SYNE1: variants seen among roughly 807,000 people sequenced by gnomAD.
SYNE1 encodes the protein nesprin-1.
In SYNE1, 616 loss-of-function variants were observed where a neutral mutation model predicts 1,111.0. That is an observed-to-expected ratio of 0.55 (90% confidence interval 0.52 to 0.59). The LOEUF is 0.59. SYNE1 is among the 20% of genes least tolerant of loss of function. SYNE1 has a pLI of 0.00. For synonymous variants in SYNE1, 3,855 were observed against 3,825.8 expected, an observed-to-expected ratio of 1.01 and a Z score of -0.28; for missense variants, 10,006 against 10,417.0, an observed-to-expected ratio of 0.96 and a Z score of 1.72.
At chr6:152,397,484 GA>G in intron 49 of SYNE1, among the ~76,000 whole-genome samples, 1 of 152,172 alleles carries the variant, frequency 6.6e-6, no homozygotes, top group African/African-American at 2.4e-5. Flanking sequence ...CAGAGCTCTA[GA>G]GTGGTATGTC....
At chr6:152,441,422 T>C in intron 31 of SYNE1, 152 bp from the exon 32 acceptor site, 1 of 828,034 alleles carries the variant, frequency 1.2e-6, no homozygotes, top group South Asian at 1.8e-5. Flanking sequence ...GTATCTTCTG[T>C]AAGAATTTCT....
At chr6:152,603,904 A>AG (rs1333165575) in intron 3 of SYNE1, among the ~76,000 whole-genome samples, 4 of 147,176 alleles carry the variant, frequency 2.7e-5, no homozygotes, top group Non-Finnish European at 4.5e-5. Flanking sequence ...ATAGATAGAT[A>AG]TACTATCTAT....
At position 152,364,932 on chromosome 6, in the gene SYNE1, C is replaced by G. The variant is rs773410652; in HGVS notation, c.10060G>C (p.Glu3354Gln). The change falls in exon 63 of 146, where the codon GAA becomes CAA. Residue 3354 changes from glutamate (E) to glutamine (Q), a missense_variant. Glu to Gln is a conservative substitution (Grantham distance 29). Around this residue, in one of 7 missense-constraint regions of SYNE1, gnomAD observed 4,955 missense variants for 5,017.2 expected, o/e 0.99. Coordinates refer to ENST00000367255, the MANE Select transcript of SYNE1 (RefSeq NM_182961.4). Reference protein sequence around the residue: ...GESVLQNTSPEGIPTIQQQLQ... With the variant: ...GESVLQNTSPQGIPTIQQQLQ... Reference sequence around the variant, plus strand: ...TGCTGCTGAATAGTGGGAATGCCTTCTGGAGAAGTATTCTGAAGGACAGAT... The same window carrying G: ...TGCTGCTGAATAGTGGGAATGCCTTGTGGAGAAGTATTCTGAAGGACAGAT... 29 of 1,614,100 alleles carry G rather than the reference C, an allele frequency of 1.8e-5. No homozygotes were observed. Among genetic ancestry groups the G allele is most frequent in the Non-Finnish European group, 2.5e-5 (29 of 1,180,048 alleles).
intron 3 of SYNE1, among the ~76,000 whole-genome samples, chr6:152,594,998 C>G (rs1252693824): frequency 6.6e-6 from 1 of 152,166 alleles, no homozygotes; most frequent in East Asian, 1.9e-4. Flanking sequence ...TGCTAGTTTA[C>G]ACCCTCATTC....
chr6:152,548,540 G>A (rs889881102), intron 3 of SYNE1, among the ~76,000 whole-genome samples: 1 of 152,128 alleles, frequency 6.6e-6, no homozygotes, highest in African/African-American at 2.4e-5. Context: ...TTTAGTTAAC[G>A]GGTCTATGGA....
intron 3 of SYNE1, among the ~76,000 whole-genome samples, chr6:152,595,491 C>T (rs540349204): frequency 6.6e-6 from 1 of 152,328 alleles, no homozygotes; most frequent in African/African-American, 2.4e-5. Flanking sequence ...CGTTAGCATG[C>T]TTTTGCTGAC....
In SYNE1 at chr6:152,395,531, T is replaced by C. The variant is rs1414855229; in HGVS notation, c.7697A>G (p.Glu2566Gly). 6.8e-6 allele frequency: 11 copies of C among 1,613,832 alleles called. No individual in the cohort carries two copies. The highest frequency in any genetic ancestry group is 9.3e-6 in the Non-Finnish European group (11 of 1,179,888). Residue 2566 changes from glutamate to glycine, a missense_variant, in exon 51 of 146, where the codon GAA becomes GGA. By Grantham distance (98) the Glu-to-Gly change is moderately conservative (BLOSUM62 -2). Transcript: ENST00000367255. ...EVHKVEMFLG[E>G]LLAARESLDK... ...TGGACCATACCTTGCAGCCAGCAGTTCTCCCAAAAACATTTCAACTTTATG... is the reference window on the plus strand; with the variant it reads ...TGGACCATACCTTGCAGCCAGCAGTCCTCCCAAAAACATTTCAACTTTATG...
At chr6:152,385,530 G>A in intron 55 of SYNE1, 144 bp downstream of exon 55, 5 of 855,234 alleles carry the variant, frequency 5.8e-6, no homozygotes, top group South Asian at 1.6e-5. Flanking sequence ...CATGACTCTT[G>A]TTTATGTGTA....
intron 91 of SYNE1, among the ~76,000 whole-genome samples, chr6:152,306,487 AAAATAAATAAAT>A (rs56931883): frequency 3.2e-4 from 46 of 142,548 alleles, no homozygotes; most frequent in East Asian, 1.0e-3. Flanking sequence ...CTCCATCTAA[AAAATAAATAAAT>A]AAATAAATAA....
At position 152,154,789 on chromosome 6, in the gene SYNE1, A is replaced by G. The variant is rs376571107; in HGVS notation, c.24129+103T>C. 2.6e-4 allele frequency: 340 copies of G among 1,306,378 alleles called. No homozygotes were observed. The South Asian group carries it at 3.8e-3, about 15-fold the overall frequency. The allele number at this position is 1,306,378 out of a possible 1,614,324, so 80.9% of individuals were successfully genotyped here. ...AAAGTCCTCACGCAGCAATTTGAGC[A>G]GATAACATGTGGTGAACAGCTAGTT... On this transcript the variant is annotated intron_variant, in intron 133 of 145. Transcript: ENST00000367255.
Position 152,471,621 on chromosome 6 carries a change from C to T in SYNE1, c.1608G>A (p.Val536=), listed in dbSNP as rs267600866. The T allele has an allele frequency of 6.2e-7, 1 of 1,613,964 alleles. No individual in the cohort carries two copies. The highest frequency in any genetic ancestry group is 8.5e-7 in the Non-Finnish European group (1 of 1,179,882). ...WIIKYGRRES[V]EQLLQNYVSF... is the part of the protein sequence containing the mutation. ...CCACGTAGTTTTGTAGAAGCTGCTC[C>T]ACTGACTCTCTCCTCCCGTACTTAA... is the stretch of plus-strand genomic sequence containing the variant. The change falls in exon 16 of 146, where the codon GTG becomes GTA. Residue 536 remains valine, a synonymous_variant. Coordinates refer to ENST00000367255, the MANE Select transcript of SYNE1 (RefSeq NM_182961.4).
At chr6:152,404,097 T>C in intron 46 of SYNE1, 116 bp downstream of exon 46, 1 of 537,562 alleles carries the variant, frequency 1.9e-6, no homozygotes, top group Non-Finnish European at 3.2e-6. Flanking sequence ...GAGATATAGA[T>C]ATATGAGATA....
At chr6:152,323,355 C>A in intron 82 of SYNE1, 123 bp downstream of exon 82, 2 of 1,419,146 alleles carry the variant, frequency 1.4e-6, no homozygotes, top group Non-Finnish European at 1.9e-6. Flanking sequence ...AGGAGAATGG[C>A]GTGAACCCGG....
intron 97 of SYNE1, among the ~76,000 whole-genome samples, chr6:152,278,563 C>T (rs747861001): frequency 1.3e-5 from 2 of 151,764 alleles, no homozygotes; most frequent in Non-Finnish European, 1.5e-5. Context: ...CCCAGGTTCA[C>T]GCCATTCTCC....
intron 116 of SYNE1, among the ~76,000 whole-genome samples, chr6:152,225,199 T>C (rs35868854): frequency 1.9e-4 from 29 of 151,804 alleles, no homozygotes; most frequent in Non-Finnish European, 3.4e-4. Flanking sequence ...AAATTTCAAT[T>C]TGAATACAGG....
intron 44 of SYNE1, among the ~76,000 whole-genome samples, chr6:152,408,301 C>G (rs1165639696): frequency 6.6e-6 from 1 of 152,116 alleles, no homozygotes; most frequent in African/African-American, 2.4e-5. Flanking sequence ...AATCAAGTGA[C>G]TTGTTCTGTG....
intron 39 of SYNE1, among the ~76,000 whole-genome samples, chr6:152,421,440 T>C (rs188918049): frequency 2.6e-5 from 4 of 152,260 alleles, no homozygotes; most frequent in South Asian, 2.1e-4. Context: ...CTAAAATTTA[T>C]CTTGCAAATA....
chr6:152,333,037 CA>C (rs979235426), intron 77 of SYNE1, among the ~76,000 whole-genome samples: 1 of 151,960 alleles, frequency 6.6e-6, no homozygotes, highest in Non-Finnish European at 1.5e-5. Context: ...AATGGTATAC[CA>C]AAAAAACCCC....
At chr6:152,547,701 T>C (rs2099320996) in intron 3 of SYNE1, among the ~76,000 whole-genome samples, 1 of 152,072 alleles carries the variant, frequency 6.6e-6, no homozygotes, top group Non-Finnish European at 1.5e-5. Flanking sequence ...AAGGTATGAG[T>C]ATTGTTGAAA....
Sources: gnomAD v4.1 joint callset for allele counts (sites outside exome capture counted in the v4.1 genomes callset) on GRCh38, gnomAD v4.1.1 for gene constraint, gnomAD v4.1.1 regional missense constraint, MANE v1.5 for transcripts, NCBI Gene and HGNC (gene_info 2026-07-23, HGNC 2026-07-21) for gene names.